The following ATXN8OS variants were observed in gnomAD, a reference collection of about 807,000 sequenced individuals.
The protein encoded by ATXN8OS is ATXN8 opposite strand (non-protein coding).
At chr13:70,127,394 G>A (rs989330141) in intron 2 of ATXN8OS, among the ~76,000 whole-genome samples, 2 of 151,968 alleles carry the variant, frequency 1.3e-5, no homozygotes, top group African/African-American at 4.8e-5. Context: ...TTGAGAATTA[G>A]ATATCATCGA....
At chr13:70,134,616 T>C (rs1311758246) in intron 3 of ATXN8OS, among the ~76,000 whole-genome samples, 2 of 152,214 alleles carry the variant, frequency 1.3e-5, no homozygotes, top group Non-Finnish European at 2.9e-5. Context: ...TGCAACTTCC[T>C]ATGGCAATTG....
intron 3 of ATXN8OS, chr13:70,131,430 C>G (rs945784925): frequency 1.5e-5 from 6 of 398,376 alleles, no homozygotes; most frequent in African/African-American, 1.0e-4. Context: ...GAACAGGTCT[C>G]TAACAGGGCC....
rs531293250 is a variant in ATXN8OS, at chr13:70,162,583, G to C, written n.574-7170G>C. Among the ~76,000 whole-genome samples, 3 of 151,906 alleles carry C rather than the reference G, an allele frequency of 2.0e-5. No homozygotes were observed. In the East Asian group the frequency reaches 5.8e-4, roughly 29 times the overall value. On this transcript the variant is annotated intron_variant and non_coding_transcript_variant, in intron 4 of 4. Transcript: ENST00000678624. ...GAGAGTAGATCTGCTGGGGCTGATCGATTCGTTCATACTCACAGAACTGTC... is the reference window on the plus strand; with the variant it reads ...GAGAGTAGATCTGCTGGGGCTGATCCATTCGTTCATACTCACAGAACTGTC...
intron 4 of ATXN8OS, among the ~76,000 whole-genome samples, chr13:70,164,310 C>T (rs934643775): frequency 2.0e-5 from 3 of 150,814 alleles, no homozygotes; most frequent in African/African-American, 7.3e-5. Flanking sequence ...TCTTTTTATC[C>T]CTCTCCCCTC....
chr13:70,154,169 T>C (rs1888907876), intron 4 of ATXN8OS, among the ~76,000 whole-genome samples: 1 of 152,176 alleles, frequency 6.6e-6, no homozygotes. Context: ...ATTTTAAAAA[T>C]AATGCTCTAA....
At chr13:70,163,219 A>C (rs976215747) in intron 4 of ATXN8OS, among the ~76,000 whole-genome samples, 3 of 152,086 alleles carry the variant, frequency 2.0e-5, no homozygotes, top group Non-Finnish European at 4.4e-5. Context: ...GGCCCTATGC[A>C]GCAATTACCA....
chr13:70,157,460 T>C (rs1888951361), intron 4 of ATXN8OS, among the ~76,000 whole-genome samples: 1 of 151,728 alleles, frequency 6.6e-6, no homozygotes, highest in Admixed American at 6.6e-5. Flanking sequence ...TGCAACTAGA[T>C]TATCCTAAGG....
chr13:70,126,753 T>C (rs1046822490), intron 2 of ATXN8OS, among the ~76,000 whole-genome samples: 1 of 151,742 alleles, frequency 6.6e-6, no homozygotes, highest in Non-Finnish European at 1.5e-5. Context: ...TAAATAGACA[T>C]AAATGGATAT....
intron 4 of ATXN8OS, among the ~76,000 whole-genome samples, chr13:70,168,428 T>A (rs1297768463): frequency 6.6e-6 from 1 of 152,142 alleles, no homozygotes; most frequent in South Asian, 2.1e-4. Flanking sequence ...CTGACTATAG[T>A]TATCCTACTC....
At chr13:70,169,209 T>C (rs1889114605) in intron 4 of ATXN8OS, among the ~76,000 whole-genome samples, 1 of 152,168 alleles carries the variant, frequency 6.6e-6, no homozygotes, top group Non-Finnish European at 1.5e-5. Flanking sequence ...TTAGAAAGTG[T>C]AAGGTAATAA....
At chr13:70,159,194 TC>T (rs1275965084) in intron 4 of ATXN8OS, among the ~76,000 whole-genome samples, 40 of 135,554 alleles carry the variant, frequency 3.0e-4, no homozygotes, top group African/African-American at 8.2e-4. Context: ...TCTCTCTCTC[TC>T]TCTCACTTTT....
intron 4 of ATXN8OS, among the ~76,000 whole-genome samples, chr13:70,153,410 TA>T: frequency 6.6e-6 from 1 of 151,842 alleles, no homozygotes; most frequent in East Asian, 2.0e-4. Context: ...CCATCTCTAC[TA>T]AAAATACAAA....
At chr13:70,136,157 G>A (rs966629311) in intron 3 of ATXN8OS, among the ~76,000 whole-genome samples, 1 of 152,174 alleles carries the variant, frequency 6.6e-6, no homozygotes, top group Non-Finnish European at 1.5e-5. Flanking sequence ...GTTTGCCTGT[G>A]ATTGGCTGAA....
chr13:70,114,982 A>T (rs150769303), intron 1 of ATXN8OS, among the ~76,000 whole-genome samples: 112 of 152,162 alleles, frequency 7.4e-4, no homozygotes, highest in African/African-American at 2.6e-3. Context: ...CTGCTTGAAT[A>T]GAAGAGAGAC....
chr13:70,163,570 G>C (rs1889036123), intron 4 of ATXN8OS, among the ~76,000 whole-genome samples: 2 of 151,610 alleles, frequency 1.3e-5, no homozygotes. Context: ...AATTTCAAAG[G>C]GACTTACAAA....
chr13:70,156,328 A>G (rs1281136145), intron 4 of ATXN8OS, among the ~76,000 whole-genome samples: 1 of 151,894 alleles, frequency 6.6e-6, no homozygotes, highest in Non-Finnish European at 1.5e-5. Context: ...TTCAAATTCT[A>G]GCAGATTTGA....
At chr13:70,133,584 C>T (rs2137485273) in intron 3 of ATXN8OS, among the ~76,000 whole-genome samples, 1 of 152,118 alleles carries the variant, frequency 6.6e-6, no homozygotes, top group East Asian at 1.9e-4. Context: ...AAGATGAGGT[C>T]CTAATAATTT....
chr13:70,110,007 AATTT>A (rs1179080393), intron 1 of ATXN8OS, among the ~76,000 whole-genome samples: 16 of 152,142 alleles, frequency 1.1e-4, no homozygotes, highest in Admixed American at 1.0e-3. Flanking sequence ...TGTAATATAA[AATTT>A]ATTTGTTATT....
At chr13:70,148,956 A>T (rs1254331882) in intron 4 of ATXN8OS, among the ~76,000 whole-genome samples, 1 of 152,152 alleles carries the variant, frequency 6.6e-6, no homozygotes, top group Non-Finnish European at 1.5e-5. Context: ...TAACACACAC[A>T]CTTAATGAAT....
Sources: gnomAD v4.1 joint callset for allele counts (sites outside exome capture counted in the v4.1 genomes callset) on GRCh38, gnomAD v4.1.1 for gene constraint, MANE v1.5 for transcripts, NCBI Gene and HGNC (gene_info 2026-07-23, HGNC 2026-07-21) for gene names.